Variants in LUZP1 observed in about 807,000 individuals in gnomAD.
The protein encoded by LUZP1 is leucine zipper protein 1, also known as filamin mechanobinding actin cross-linking protein.
In LUZP1, 25 loss-of-function variants were observed where a neutral mutation model predicts 71.3. That is an observed-to-expected ratio of 0.35 (90% CI 0.26 to 0.49). The LOEUF (loss-of-function observed/expected upper bound fraction) is 0.49, where lower values mean the gene tolerates loss of function less well. LUZP1 is among the 20% of genes least tolerant of loss of function. LUZP1 has a pLI of 0.99. For missense variants in LUZP1, 1,142 were observed against 1,300.8 expected (o/e 0.88, Z 1.88); for synonymous variants, 481 against 506.4 (o/e 0.95, Z 0.67).
At chr1:23,159,540 T>C (rs192002932) in intron 2 of LUZP1, among the ~76,000 whole-genome samples, 17 of 152,322 alleles carry the variant, frequency 1.1e-4, no homozygotes, top group Admixed American at 7.2e-4. Flanking sequence ...ATAAACTATA[T>C]ACTTACTTCA....
intron 2 of LUZP1, among the ~76,000 whole-genome samples, chr1:23,164,762 G>C (rs527287975): frequency 6.6e-6 from 1 of 152,246 alleles, no homozygotes; most frequent in African/African-American, 2.4e-5. Flanking sequence ...ACAAGTTAGA[G>C]ATCAACACTA....
At chr1:23,088,734 C>G in exon 5 of LUZP1, 1 of 1,002,452 alleles carries the variant, frequency 1.0e-6, no homozygotes, top group South Asian at 1.8e-5. Context: ...TCCCTCTGGC[C>G]AAATGGCAAA....
intron 2 of LUZP1, among the ~76,000 whole-genome samples, chr1:23,121,326 A>G (rs1644128071): frequency 6.6e-6 from 1 of 152,196 alleles, no homozygotes; most frequent in Non-Finnish European, 1.5e-5. Flanking sequence ...TCTTCTAGTT[A>G]ATTTACATCT....
intron 2 of LUZP1, among the ~76,000 whole-genome samples, chr1:23,143,078 C>T (rs1644317791): frequency 6.6e-6 from 1 of 151,872 alleles, no homozygotes; most frequent in South Asian, 2.1e-4. Context: ...GCATGATCTC[C>T]ACTCAGTGCA....
chr1:23,091,457 G>A (rs370230864), exon 4 of LUZP1: 87 of 1,613,988 alleles, frequency 5.4e-5, no homozygotes, highest in Middle Eastern at 1.6e-4. Context: ...GAGTTGGGGG[G>A]TCTTCTAAAG....
intron 2 of LUZP1, among the ~76,000 whole-genome samples, chr1:23,135,560 A>T (rs1644246758): frequency 2.6e-5 from 4 of 152,316 alleles, no homozygotes; most frequent in Middle Eastern, 3.4e-3. Context: ...CAGGCATGGT[A>T]CTGGAATACA....
At chr1:23,090,743 G>A (rs1643839321) in intron 4 of LUZP1, 3 of 653,608 alleles carry the variant, frequency 4.6e-6, no homozygotes, top group South Asian at 1.7e-5. Flanking sequence ...TGCTAACTGA[G>A]GCGGCCGAGA....
chr1:23,142,698 TATACACACACACACACAC>T lies in LUZP1; in HGVS notation c.-226+26050_-226+26067del, dbSNP rs1210148277. Among the ~76,000 whole-genome samples, 626 of 101,482 alleles carry T rather than the reference TATACACACACACACACAC, an allele frequency of 6.2e-3. 12 individuals carry two copies. Among genetic ancestry groups the T allele is most frequent in the African/African-American group, 0.021 (572 of 26,686 alleles). The allele number at this position is 101,482 out of a possible 152,430, so 66.6% of individuals were successfully genotyped here. ...GGTGGGTGCATAAAATATATATATATATACACACACACACACACACACACACACACACACACACACACA... is the reference window on the plus strand; with the variant it reads ...GGTGGGTGCATAAAATATATATATATACACACACACACACACACACACACA... On this transcript the variant is annotated intron_variant, in intron 2 of 4. Transcript: ENST00000302291.
At chr1:23,131,768 C>T (rs1644217437) in intron 2 of LUZP1, among the ~76,000 whole-genome samples, 1 of 152,196 alleles carries the variant, frequency 6.6e-6, no homozygotes, top group Non-Finnish European at 1.5e-5. Context: ...TCACCGCAAC[C>T]TCCACCTCCT....
chr1:23,167,915 A>G (rs1342356177), intron 2 of LUZP1, among the ~76,000 whole-genome samples: 1 of 151,794 alleles, frequency 6.6e-6, no homozygotes, highest in Non-Finnish European at 1.5e-5. Flanking sequence ...GTGCGCCGGG[A>G]GGCGGGCCCC....
At chr1:23,171,917 T>C (rs529984896) in intron 1 of LUZP1, among the ~76,000 whole-genome samples, 2 of 152,342 alleles carry the variant, frequency 1.3e-5, no homozygotes, top group Non-Finnish European at 2.9e-5. Flanking sequence ...CAACCACTTA[T>C]TGATTTATTC....
chr1:23,176,751 A>C (rs1257298448), intron 1 of LUZP1, among the ~76,000 whole-genome samples: 1 of 152,232 alleles, frequency 6.6e-6, no homozygotes, highest in Non-Finnish European at 1.5e-5. Context: ...GAGGCCCCCA[A>C]GTTGCTACAG....
At chr1:23,111,113 C>A (rs1205767365) in intron 2 of LUZP1, among the ~76,000 whole-genome samples, 1 of 149,090 alleles carries the variant, frequency 6.7e-6, no homozygotes, top group Non-Finnish European at 1.5e-5. Context: ...GGCAAGAGAA[C>A]CTCTTCAAAC....
intron 2 of LUZP1, chr1:23,162,703 A>C (rs754205771): frequency 1.1e-4 from 17 of 152,236 alleles, no homozygotes; most frequent in Non-Finnish European, 2.4e-4. Flanking sequence ...ACAGGAATAG[A>C]GTGCTCACTT....
chr1:23,100,477 G>T (rs1384950376), intron 3 of LUZP1, among the ~76,000 whole-genome samples: 1 of 152,130 alleles, frequency 6.6e-6, no homozygotes, highest in African/African-American at 2.4e-5. Flanking sequence ...CTTTCTTGCA[G>T]GTCTATGCCA....
At chr1:23,108,672 T>G (rs1259301078) in intron 3 of LUZP1, among the ~76,000 whole-genome samples, 1 of 152,222 alleles carries the variant, frequency 6.6e-6, no homozygotes, top group Non-Finnish European at 1.5e-5. Flanking sequence ...GGAAGAGTTA[T>G]TTAACCTCTT....
At chr1:23,166,130 T>C (rs2148215092) in intron 2 of LUZP1, among the ~76,000 whole-genome samples, 1 of 151,628 alleles carries the variant, frequency 6.6e-6, no homozygotes, top group East Asian at 1.9e-4. Context: ...GGCAATACTA[T>C]TGGAGAATAG....
chr1:23,139,009 AAAAAAAAAAAATATAT>A (rs1172954646), intron 2 of LUZP1, among the ~76,000 whole-genome samples: 1 of 99,376 alleles, frequency 1.0e-5, no homozygotes, highest in Admixed American at 1.2e-4. Context: ...AAAAAAAAAA[AAAAAAAAAAAATATAT>A]ATATATATAT....
intron 1 of LUZP1, among the ~76,000 whole-genome samples, chr1:23,169,650 C>G (rs1346576909): frequency 6.6e-6 from 1 of 152,188 alleles, no homozygotes; most frequent in Admixed American, 6.5e-5. Flanking sequence ...CCCTCCCATA[C>G]TTCTATGACA....
Sources: allele counts gnomAD v4.1 joint callset (sites outside exome capture counted in the v4.1 genomes callset), GRCh38; gene constraint gnomAD v4.1.1; transcripts MANE v1.5; gene names NCBI Gene and HGNC (gene_info 2026-07-23, HGNC 2026-07-21).